Variants in SMOC2 observed in about 807,000 individuals in gnomAD.
SMOC2 encodes the protein SPARC related modular calcium binding 2.
In SMOC2, 39 loss-of-function variants were observed where a neutral mutation model predicts 61.4. That is an observed-to-expected ratio of 0.64 (90% CI 0.49 to 0.83). The LOEUF (loss-of-function observed/expected upper bound fraction) is 0.83, where lower values mean the gene tolerates loss of function less well. SMOC2 is among the 40% of genes least tolerant of loss of function. SMOC2 has a pLI of 0.00. For missense variants in SMOC2, 556 were observed against 592.9 expected, an observed-to-expected ratio of 0.94 and a Z score of 0.65; for synonymous variants, 247 against 239.9, an observed-to-expected ratio of 1.03 and a Z score of -0.27.
chr6:168,590,437 G>A (rs1321741716), intron 7 of SMOC2, among the ~76,000 whole-genome samples: 2 of 150,890 alleles, frequency 1.3e-5, no homozygotes, highest in African/African-American at 4.9e-5. Flanking sequence ...TGGTGGTCAG[G>A]TGTGGCATGA....
At chr6:168,583,170 A>G (rs984470175) in intron 7 of SMOC2, among the ~76,000 whole-genome samples, 8 of 152,262 alleles carry the variant, frequency 5.3e-5, no homozygotes, top group African/African-American at 1.2e-4. Flanking sequence ...GTGGAAGGAA[A>G]AAAACTAAAT....
At chr6:168,501,848 C>T (rs1021366957) in intron 1 of SMOC2, among the ~76,000 whole-genome samples, 2 of 152,188 alleles carry the variant, frequency 1.3e-5, no homozygotes, top group African/African-American at 2.4e-5. Flanking sequence ...CGTCTCCAGG[C>T]GTTTGGTCCT....
intron 1 of SMOC2, among the ~76,000 whole-genome samples, chr6:168,498,004 C>T (rs551858951): frequency 6.6e-5 from 10 of 152,316 alleles, no homozygotes; most frequent in South Asian, 2.1e-4. Flanking sequence ...CACGGGACTG[C>T]ACAGCCGCTG....
chr6:168,625,990 G>T (rs762584167), intron 9 of SMOC2, among the ~76,000 whole-genome samples: 1 of 152,194 alleles, frequency 6.6e-6, no homozygotes, highest in Non-Finnish European at 1.5e-5. Flanking sequence ...CCCCTATTCT[G>T]CAGTGAGCAA....
intron 9 of SMOC2, among the ~76,000 whole-genome samples, chr6:168,647,007 C>T (rs2115267955): frequency 6.6e-6 from 1 of 151,884 alleles, no homozygotes. Context: ...TTATTCCCCC[C>T]AGGAGCCTGG....
At chr6:168,592,660 T>A (rs1785220437) in intron 7 of SMOC2, among the ~76,000 whole-genome samples, 1 of 130,044 alleles carries the variant, frequency 7.7e-6, no homozygotes. Flanking sequence ...GCTGAGCTCC[T>A]CCTCCTTCCT....
chr6:168,533,966 C>T (rs1434231429), intron 4 of SMOC2, among the ~76,000 whole-genome samples: 1 of 152,118 alleles, frequency 6.6e-6, no homozygotes, highest in Non-Finnish European at 1.5e-5. Flanking sequence ...TACTTGTAGG[C>T]AGGGAGTGGT....
In SMOC2 at chr6:168,543,628, C is replaced by T; in HGVS notation, c.467C>T (p.Ser156Phe). 6.2e-7 allele frequency: 1 copy of T among 1,613,386 alleles called. No homozygotes were observed. Residue 156 changes from serine (S) to phenylalanine (F), a missense_variant, in exon 5 of 13, where the codon TCC becomes TTC. Ser to Phe is a radical substitution (Grantham distance 155). Coordinates refer to ENST00000356284, the MANE Select transcript of SMOC2 (RefSeq NM_001166412.2). Reference protein sequence around the residue: ...VAHKTPRCPGSVNEKLPQREG... With the variant: ...VAHKTPRCPGFVNEKLPQREG... Reference sequence around the variant, plus strand: ...ACTCCTTATTTTCCTCTTTTAGGTTCCGTAAATGAAAAGTTACCCCAACGC... The same window carrying T: ...ACTCCTTATTTTCCTCTTTTAGGTTTCGTAAATGAAAAGTTACCCCAACGC...
intron 4 of SMOC2, among the ~76,000 whole-genome samples, chr6:168,542,452 G>T (rs146363484): frequency 2.0e-5 from 3 of 152,152 alleles, no homozygotes; most frequent in African/African-American, 7.2e-5. Context: ...ATTCCCAAAC[G>T]CATATTATTT....
chr6:168,599,600 C>CCCACACACCCACACATACCG (rs1785469772), intron 8 of SMOC2, among the ~76,000 whole-genome samples: 1 of 93,878 alleles, frequency 1.1e-5, no homozygotes. Flanking sequence ...CACACATACC[C>CCCACACACCCACACATACCG]CCACACACCC....
At chr6:168,650,839 A>T in intron 10 of SMOC2, 56 bp downstream of exon 10, 1 of 1,502,426 alleles carries the variant, frequency 6.7e-7, no homozygotes, top group Non-Finnish European at 9.1e-7. Context: ...ATTCTGGGGA[A>T]TCTGGAAAGT....
At chr6:168,652,913 C>A in intron 10 of SMOC2, 41 bp from the exon 11 acceptor site, 1 of 1,596,118 alleles carries the variant, frequency 6.3e-7, no homozygotes, top group South Asian at 1.1e-5. Context: ...AGGAGCAGCC[C>A]AGGGGTTTAA....
chr6:168,599,907 C>A lies in SMOC2; in HGVS notation c.824+903C>A, dbSNP rs114165047. 8.6e-3 allele frequency among the ~76,000 whole-genome samples: 1,280 copies of A among 149,170 alleles called. 18 individuals are homozygous for A. Among genetic ancestry groups the A allele is most frequent in the African/African-American group, 0.029 (1,186 of 40,664 alleles). ...ACTCCCCCGACACATCCCCACACTC[C>A]CACACTCACACACTCCCCTCTCATA... On this transcript the variant is annotated intron_variant, in intron 8 of 12. Coordinates refer to ENST00000356284, the MANE Select transcript of SMOC2 (RefSeq NM_001166412.2).
chr6:168,552,275 T>C (rs547737279), intron 7 of SMOC2, among the ~76,000 whole-genome samples: 1 of 152,348 alleles, frequency 6.6e-6, no homozygotes, highest in East Asian at 1.9e-4. Flanking sequence ...CAGAAGAGTG[T>C]CATTTATACT....
intron 2 of SMOC2, among the ~76,000 whole-genome samples, chr6:168,514,995 G>T (rs1194569082): frequency 6.6e-6 from 1 of 152,122 alleles, no homozygotes; most frequent in African/African-American, 2.4e-5. Flanking sequence ...CCAGCTGCAG[G>T]GTCACAGTGA....
intron 7 of SMOC2, among the ~76,000 whole-genome samples, chr6:168,556,406 G>GC (rs1339105564): frequency 6.6e-6 from 1 of 152,094 alleles, no homozygotes; most frequent in African/African-American, 2.4e-5. Flanking sequence ...CCACCCTGCG[G>GC]CCCCCGCACC....
chr6:168,442,191 C>G (rs956289646), intron 1 of SMOC2, among the ~76,000 whole-genome samples: 1 of 152,272 alleles, frequency 6.6e-6, no homozygotes, highest in African/African-American at 2.4e-5. Context: ...GGCGGCGGCT[C>G]CCCGCTCTGC....
chr6:168,629,974 G>C (rs59148412), intron 9 of SMOC2, among the ~76,000 whole-genome samples: 1 of 152,168 alleles, frequency 6.6e-6, no homozygotes, highest in Non-Finnish European at 1.5e-5. Flanking sequence ...TCCTGGGGAA[G>C]CACCACTGTG....
At chr6:168,558,384 C>T (rs569715328) in intron 7 of SMOC2, among the ~76,000 whole-genome samples, 112 of 152,050 alleles carry the variant, frequency 7.4e-4, no homozygotes, top group African/African-American at 2.5e-3. Context: ...ATTAGGTGTG[C>T]TCACTCCTCC....
Sources: gnomAD v4.1 joint callset for allele counts (sites outside exome capture counted in the v4.1 genomes callset) on GRCh38, gnomAD v4.1.1 for gene constraint, MANE v1.5 for transcripts, NCBI Gene and HGNC (gene_info 2026-07-23, HGNC 2026-07-21) for gene names.